The following CYP11A1 variants were observed in gnomAD, a reference collection of about 807,000 sequenced individuals.
The protein encoded by CYP11A1 is cholesterol side-chain cleavage enzyme, mitochondrial.
In CYP11A1, 25 loss-of-function variants were observed where a neutral mutation model predicts 51.9. The observed-to-expected ratio is 0.48, with a 90% CI of 0.35 to 0.67. The LOEUF (loss-of-function observed/expected upper bound fraction) is 0.67. CYP11A1 is among the 30% of genes least tolerant of loss of function. The pLI is 0.00. For missense variants in CYP11A1, 578 were observed against 680.9 expected, an observed-to-expected ratio of 0.85 and a Z score of 1.68; for synonymous variants, 245 against 262.1, an observed-to-expected ratio of 0.93 and a Z score of 0.63.
chr15:74,354,237 A>G (rs1237331843), intron 1 of CYP11A1, among the ~76,000 whole-genome samples: 1 of 152,188 alleles, frequency 6.6e-6, no homozygotes, highest in South Asian at 2.1e-4. Context: ...AATCACAAAG[A>G]AGTGAAAATG....
intron 1 of CYP11A1, chr15:74,365,810 T>C: frequency 2.0e-6 from 2 of 985,526 alleles, no homozygotes; most frequent in African/African-American, 1.7e-5. Context: ...GAGTGGATGC[T>C]GCAGGGCCGC....
intron 6 of CYP11A1, 44 bp from the exon 7 acceptor site, chr15:74,339,359 G>C (rs776448335): frequency 6.3e-6 from 10 of 1,583,972 alleles, no homozygotes; most frequent in Non-Finnish European, 8.7e-6. Flanking sequence ...CCAAAGGCTG[G>C]ACACAGCCGC....
At position 74,343,136 on chromosome 15, in the gene CYP11A1, A is replaced by C. The variant is rs2060615353; in HGVS notation, c.831T>G (p.Ala277=). Residue 277 remains alanine (A), a splice_region_variant and synonymous_variant, in exon 5 of 9, where the codon GCT becomes GCG. Transcript: ENST00000268053. ...VAAWDVIFSK[A]DIYTQNFYWE... is the part of the protein sequence containing the mutation. ...AGTAGAAGTTCTGGGTGTATATGTC[A>C]GCTGTGGGGAAGGAGGAAAGAAAAA... The C allele has an allele frequency of 1.9e-6, 3 of 1,613,700 alleles. No homozygotes were observed. The East Asian group carries it at 6.7e-5, about 36-fold the overall frequency.
At position 74,343,707 on chromosome 15, in the gene CYP11A1, G is replaced by A. The variant is rs2060618890; in HGVS notation, c.829+82C>T. On this transcript the variant is annotated intron_variant, in intron 4 of 8. Coordinates refer to ENST00000268053, the MANE Select transcript of CYP11A1 (RefSeq NM_000781.3). ...TGGGTTTCCTACAGGTCAAGTCAGCGCCCATTGACATAGCGTGGGACAAAG... is the reference window on the plus strand; with the variant it reads ...TGGGTTTCCTACAGGTCAAGTCAGCACCCATTGACATAGCGTGGGACAAAG... 3 of 1,252,362 alleles carry A rather than the reference G, an allele frequency of 2.4e-6. No homozygotes were observed. In the South Asian group the frequency reaches 3.6e-5, roughly 15 times the overall value. The allele number at this position is 1,252,362 out of a possible 1,614,324, so 77.6% of individuals were successfully genotyped here.
At position 74,343,148 on chromosome 15, in the gene CYP11A1, G is replaced by A; in HGVS notation, c.830-11C>T. ...GGGTGTATATGTCAGCTGTGGGGAA[G>A]GAGGAAAGAAAAAAGAGTGAGGTTC... On this transcript the variant is annotated splice_polypyrimidine_tract_variant and intron_variant, in intron 4 of 8. Coordinates refer to ENST00000268053, the MANE Select transcript of CYP11A1 (RefSeq NM_000781.3). 6.2e-7 allele frequency: 1 copy of A among 1,613,508 alleles called. No individual in the cohort carries two copies. The highest frequency in any genetic ancestry group is 8.5e-7 in the Non-Finnish European group (1 of 1,179,984).
At chr15:74,343,650 C>G in intron 4 of CYP11A1, 139 bp downstream of exon 4, 1 of 794,170 alleles carries the variant, frequency 1.3e-6, no homozygotes, top group Non-Finnish European at 2.2e-6. Context: ...GTCCCAGGGC[C>G]TTCCTGACAC....
At position 74,342,977 on chromosome 15, in the gene CYP11A1, C is replaced by T. The variant is rs941141726; in HGVS notation, c.990G>A (p.Thr330=). 4.3e-6 allele frequency: 7 copies of T among 1,612,226 alleles called. No homozygotes were observed. Among genetic ancestry groups the T allele is most frequent in the Admixed American group, 1.7e-5 (1 of 60,030 alleles). The change falls in exon 5 of 9, where the codon ACG becomes ACA. Residue 330 remains threonine (T), a splice_region_variant and synonymous_variant. Coordinates refer to ENST00000268053, the MANE Select transcript of CYP11A1 (RefSeq NM_000781.3). ...VTEMLAGGVD[T]TSMTLQWHLY... is the part of the protein sequence containing the mutation. ...GGTGCCGCCCCTACAGCCACCTCAC[C>T]GTGTCCACCCCTCCTGCCAGCATCT...
At chr15:74,348,388 A>G (rs2060641645) in intron 1 of CYP11A1, 1 of 376,240 alleles carries the variant, frequency 2.7e-6, no homozygotes, top group Non-Finnish European at 5.0e-6. Context: ...TCCATGGACC[A>G]GCAAGTCCTC....
Position 74,367,570 on chromosome 15 carries a change from G to A in CYP11A1, c.16C>T (p.Leu6Phe), listed in dbSNP as rs1338296690. ...TTGACCAGGACTGAGCGTGGGGGAAGACCCTTGGCCAGCATGCTGTCCCCA... is the reference window on the plus strand; with the variant it reads ...TTGACCAGGACTGAGCGTGGGGGAAAACCCTTGGCCAGCATGCTGTCCCCA... MLAKG[L>F]PPRSVLVKGC... is the part of the protein sequence containing the mutation. The change falls in exon 1 of 9, where the codon CTT becomes TTT. Residue 6 changes from leucine to phenylalanine, a missense_variant. Transcript: ENST00000268053. 13 of 1,613,822 alleles carry A rather than the reference G, an allele frequency of 8.1e-6. No individual in the cohort carries two copies. Among genetic ancestry groups the A allele is most frequent in the Admixed American group, 3.3e-5 (2 of 60,004 alleles).
intron 2 of CYP11A1, among the ~76,000 whole-genome samples, chr15:74,347,331 C>G (rs769346983): frequency 2.0e-5 from 3 of 152,228 alleles, no homozygotes; most frequent in Admixed American, 6.5e-5. Flanking sequence ...ATCACCTGTG[C>G]CGGGGGGCAG....
At chr15:74,364,635 T>C (rs139600805) in intron 1 of CYP11A1, 2 of 152,338 alleles carry the variant, frequency 1.3e-5, no homozygotes, top group Non-Finnish European at 2.9e-5. Context: ...GTCTGTGCAT[T>C]TTGTCCAATT....
intron 1 of CYP11A1, chr15:74,365,523 G>C (rs1451962537): frequency 2.6e-5 from 7 of 273,518 alleles, no homozygotes; most frequent in Non-Finnish European, 3.4e-5. Context: ...GAGGGTAACG[G>C]ATGTAGGGAG....
chr15:74,367,178 CAAAAAAAA>C (rs11350546), intron 1 of CYP11A1, 131 bp downstream of exon 1: 48 of 693,816 alleles, frequency 6.9e-5, no homozygotes, highest in Non-Finnish European at 8.5e-5. Flanking sequence ...ATTGTATTAC[CAAAAAAAA>C]AAAAAAAAAA....
Position 74,343,131 on chromosome 15 carries a change from A to T in CYP11A1, c.836T>A (p.Ile279Lys). 1.2e-6 allele frequency: 2 copies of T among 1,613,662 alleles called. No homozygotes were observed. Among genetic ancestry groups the T allele is most frequent in the Non-Finnish European group, 1.7e-6 (2 of 1,179,988 alleles). The change falls in exon 5 of 9, where the codon ATA becomes AAA. Residue 279 changes from isoleucine (I) to lysine (K), a missense_variant. Physicochemically the swap from Ile to Lys is moderately radical, Grantham distance 102. Transcript: ENST00000268053. Reference protein sequence around the residue: ...AWDVIFSKADIYTQNFYWELR... With the variant: ...AWDVIFSKADKYTQNFYWELR... ...TTCCCAGTAGAAGTTCTGGGTGTAT[A>T]TGTCAGCTGTGGGGAAGGAGGAAAG...
At chr15:74,355,077 C>T (rs955718469) in intron 1 of CYP11A1, among the ~76,000 whole-genome samples, 1 of 151,986 alleles carries the variant, frequency 6.6e-6, no homozygotes, top group Non-Finnish European at 1.5e-5. Flanking sequence ...TCCTGGGGGG[C>T]AGGCATCCCC....
At chr15:74,357,225 T>C (rs1057244692) in intron 1 of CYP11A1, among the ~76,000 whole-genome samples, 1 of 152,186 alleles carries the variant, frequency 6.6e-6, no homozygotes, top group Non-Finnish European at 1.5e-5. Flanking sequence ...CCAGCCTCTC[T>C]TCACTTTCAC....
At chr15:74,366,353 G>A in intron 1 of CYP11A1, 4 of 717,152 alleles carry the variant, frequency 5.6e-6, no homozygotes, top group Non-Finnish European at 6.8e-6. Context: ...ACATGATCTC[G>A]GCTCACTGCA....
At chr15:74,360,927 A>T (rs1275652930) in intron 1 of CYP11A1, among the ~76,000 whole-genome samples, 1 of 152,218 alleles carries the variant, frequency 6.6e-6, no homozygotes, top group Non-Finnish European at 1.5e-5. Context: ...TTGCCATTAT[A>T]ACATGCAATT....
chr15:74,343,949 C>T lies in CYP11A1; in HGVS notation c.669G>A (p.Glu223=). The T allele has an allele frequency of 6.2e-7, 1 of 1,614,138 alleles. No homozygotes were observed. The highest frequency in any genetic ancestry group is 1.1e-5 in the South Asian group (1 of 91,070). ...GCTGGGCCTCGGGGTTCACTACTTC[C>T]TCCAGCATCCCCTGGCGCTCCCCAA... The part of the protein sequence containing the change: ...VIFGERQGML[E]EVVNPEAQRF... The change falls in exon 4 of 9, where the codon GAG becomes GAA. Residue 223 remains glutamate, a synonymous_variant. Transcript: ENST00000268053.
Sources: gnomAD v4.1 joint callset for allele counts (sites outside exome capture counted in the v4.1 genomes callset) on GRCh38, gnomAD v4.1.1 for gene constraint, MANE v1.5 for transcripts, NCBI Gene and HGNC (gene_info 2026-07-23, HGNC 2026-07-21) for gene names.